Variants in ZNF362 observed in about 807,000 individuals in gnomAD.
The protein encoded by ZNF362 is zinc finger protein 362, also known as rotund homolog.
ZNF362 carries 11 observed loss-of-function variants against 42.9 expected under a neutral mutation model. That is an observed-to-expected ratio of 0.26 (90% confidence interval 0.16 to 0.42). ZNF362 has a LOEUF of 0.42. ZNF362 is among the 20% of genes least tolerant of loss of function. The probability of loss-of-function intolerance (pLI) is 1.00; values close to 1 mark genes in which losing one functional copy is unlikely to be tolerated. For missense variants in ZNF362, 362 were observed against 576.2 expected (o/e 0.63, Z 3.81); for synonymous variants, 255 against 257.3 (o/e 0.99, Z 0.09).
At chr1:33,228,364 C>T in the ZNF362 span, among the ~76,000 whole-genome samples, 2 of 152,112 alleles carry the variant, frequency 1.3e-5, no homozygotes, top group East Asian at 1.9e-4. Flanking sequence ...TACTTTGAGG[C>T]CTCCTAAATT....
chr1:33,258,087 G>GAGC (rs1410034900), intron 1 of ZNF362, among the ~76,000 whole-genome samples: 3 of 152,240 alleles, frequency 2.0e-5, no homozygotes, highest in Admixed American at 6.5e-5. Context: ...AGTCTGGTTT[G>GAGC]CTAGACCTCC....
Position 33,276,383 on chromosome 1 carries a change from G to A in ZNF362, c.138G>A (p.Glu46=), listed in dbSNP as rs1370217351. 1 of 1,569,646 alleles carries A rather than the reference G, an allele frequency of 6.4e-7. No homozygotes were observed. The change falls in exon 4 of 9, where the codon GAG becomes GAA. Residue 46 remains glutamate, a synonymous_variant. Transcript: ENST00000539719. ...DNLVLINKIK[E]QLMAEKIRPP... Reference sequence around the variant, plus strand: ...TGGTTCTGATTAACAAGATCAAGGAGCAGCTGATGGCCGAGAAGATCAGGC... The same window carrying A: ...TGGTTCTGATTAACAAGATCAAGGAACAGCTGATGGCCGAGAAGATCAGGC...
At chr1:33,191,400 T>G in the ZNF362 span, among the ~76,000 whole-genome samples, 3 of 152,242 alleles carry the variant, frequency 2.0e-5, no homozygotes, top group African/African-American at 7.2e-5. Flanking sequence ...CTTCTTCCTA[T>G]GTTCCTTCCC....
the ZNF362 span, among the ~76,000 whole-genome samples, chr1:33,179,791 A>G: frequency 1.3e-5 from 2 of 152,232 alleles, no homozygotes; most frequent in African/African-American, 4.8e-5. Context: ...TAGCTTGAAA[A>G]AAGGATTCCA....
chr1:33,217,377 C>G, the ZNF362 span, among the ~76,000 whole-genome samples: 1 of 152,194 alleles, frequency 6.6e-6, no homozygotes, highest in Non-Finnish European at 1.5e-5. Context: ...GCCATGTAAT[C>G]TGTCACTCCT....
the ZNF362 span, among the ~76,000 whole-genome samples, chr1:33,188,528 T>C: frequency 1.3e-3 from 204 of 152,312 alleles, no homozygotes; most frequent in Non-Finnish European, 2.3e-3. Flanking sequence ...CATGAAGTCA[T>C]AGAAGAGTCA....
chr1:33,152,344 T>G, the ZNF362 span, among the ~76,000 whole-genome samples: 1 of 152,100 alleles, frequency 6.6e-6, no homozygotes, highest in Non-Finnish European at 1.5e-5. Flanking sequence ...GGCAGGCGGA[T>G]CACCTGAGGT....
At chr1:33,235,483 G>A in the ZNF362 span, among the ~76,000 whole-genome samples, 7 of 152,268 alleles carry the variant, frequency 4.6e-5, no homozygotes, top group East Asian at 1.9e-4. Flanking sequence ...AGCCTAGGAC[G>A]TGGCCTCCTC....
chr1:33,144,478 G>A, the ZNF362 span, among the ~76,000 whole-genome samples: 12 of 152,176 alleles, frequency 7.9e-5, no homozygotes, highest in South Asian at 2.1e-4. Flanking sequence ...GTGATTTTGC[G>A]TGTACTAAAC....
chr1:33,222,835 A>T, the ZNF362 span, among the ~76,000 whole-genome samples: 1 of 152,138 alleles, frequency 6.6e-6, no homozygotes, highest in Non-Finnish European at 1.5e-5. Flanking sequence ...CCCAAATCTC[A>T]TCTTGAATTC....
chr1:33,134,712 G>A, the ZNF362 span, among the ~76,000 whole-genome samples: 10 of 152,338 alleles, frequency 6.6e-5, no homozygotes, highest in African/African-American at 1.2e-4. Context: ...GAGTACATGC[G>A]GGTCTCTGGG....
At chr1:33,250,846 A>AAAGAAGG in the ZNF362 span, among the ~76,000 whole-genome samples, 2 of 90,206 alleles carry the variant, frequency 2.2e-5, no homozygotes, top group Admixed American at 1.3e-4. Context: ...AAGAAAGAAG[A>AAAGAAGG]AAGAAGGAAG....
the ZNF362 span, among the ~76,000 whole-genome samples, chr1:33,193,004 CATATATATAT>C: frequency 2.2e-5 from 3 of 137,292 alleles, no homozygotes; most frequent in African/African-American, 5.2e-5. Flanking sequence ...CACACACACA[CATATATATAT>C]ATATATATAC....
intron 2 of ZNF362, among the ~76,000 whole-genome samples, chr1:33,272,634 G>A (rs1383364252): frequency 6.6e-6 from 1 of 152,096 alleles, no homozygotes; most frequent in Non-Finnish European, 1.5e-5. Flanking sequence ...GCCCATTCTG[G>A]TATGCACACT....
chr1:33,281,670 A>G lies in ZNF362; in HGVS notation c.767A>G (p.Lys256Arg). ...TCGCACACAGAGGCCAAGCCCCACAAGTGCCCGCACTGCTCCAAGTCCTTT... is the reference window on the plus strand; with the variant it reads ...TCGCACACAGAGGCCAAGCCCCACAGGTGCCCGCACTGCTCCAAGTCCTTT... ...SKSHTEAKPH[K>R]CPHCSKSFAN... The change falls in exon 6 of 9, where the codon AAG becomes AGG. Residue 256 changes from lysine (K) to arginine (R), a missense_variant. Lys to Arg is a conservative substitution (Grantham distance 26). Transcript: ENST00000539719. This position sits in a 1 kb window ranked among gnomAD's most constrained non-coding sequence, Gnocchi z 4.8. 1 of 1,614,232 alleles carries G rather than the reference A, an allele frequency of 6.2e-7. No individual in the cohort carries two copies. Among genetic ancestry groups the G allele is most frequent in the Non-Finnish European group, 8.5e-7 (1 of 1,180,036 alleles).
At chr1:33,291,836 G>T (rs1479510484) in intron 6 of ZNF362, among the ~76,000 whole-genome samples, 10 of 152,162 alleles carry the variant, frequency 6.6e-5, no homozygotes, top group Non-Finnish European at 1.2e-4. Context: ...TGAAGCAATT[G>T]TGAATGGGAG....
chr1:33,236,274 G>C, the ZNF362 span, among the ~76,000 whole-genome samples: 6 of 151,800 alleles, frequency 4.0e-5, no homozygotes, highest in African/African-American at 1.5e-4. Context: ...CGGTTGCAGT[G>C]GCTAATGCCT....
At chr1:33,202,190 A>G in the ZNF362 span, among the ~76,000 whole-genome samples, 2 of 152,280 alleles carry the variant, frequency 1.3e-5, no homozygotes, top group South Asian at 2.1e-4. Context: ...CAAACATATA[A>G]GAAGGAAATA....
chr1:33,282,299 G>C (rs1335543898), intron 6 of ZNF362, among the ~76,000 whole-genome samples: 4 of 152,162 alleles, frequency 2.6e-5, no homozygotes, highest in Non-Finnish European at 5.9e-5. Flanking sequence ...CCAGTTTGTG[G>C]CACAAAATAA....
Sources: gnomAD v4.1 joint callset for allele counts (sites outside exome capture counted in the v4.1 genomes callset) on GRCh38, gnomAD v4.1.1 for gene constraint, Gnocchi (gnomAD v3.1) non-coding constraint, MANE v1.5 for transcripts, NCBI Gene and HGNC (gene_info 2026-07-23, HGNC 2026-07-21) for gene names.